The following ST8SIA6 variants were observed in gnomAD, a reference collection of about 807,000 sequenced individuals.
The protein encoded by ST8SIA6 is alpha-2,8-sialyltransferase 8F.
In ST8SIA6, 39 loss-of-function variants were observed where a neutral mutation model predicts 33.6. The ratio of observed to expected loss-of-function variants is 1.16; its 90% confidence interval spans 0.90 to 1.52. The LOEUF is 1.52. ST8SIA6 is among the 40% of genes most tolerant of loss of function. The probability of loss-of-function intolerance (pLI) is 0.00; values close to 1 mark genes in which losing one functional copy is unlikely to be tolerated. For missense variants in ST8SIA6, 441 were observed against 443.8 expected (o/e 0.99, Z 0.06); for synonymous variants, 172 against 167.2 (o/e 1.03, Z -0.22).
At chr10:17,326,722 A>G (rs1459520301) in intron 6 of ST8SIA6, among the ~76,000 whole-genome samples, 4 of 152,236 alleles carry the variant, frequency 2.6e-5, no homozygotes, top group Non-Finnish European at 2.9e-5. Context: ...CAAGGTAGCC[A>G]TTAACGTACT....
chr10:17,428,598 C>A (rs1852006968), intron 2 of ST8SIA6, among the ~76,000 whole-genome samples: 1 of 151,924 alleles, frequency 6.6e-6, no homozygotes, highest in Non-Finnish European at 1.5e-5. Flanking sequence ...AGCCGCTGAG[C>A]TGTGTCTCCA....
intron 2 of ST8SIA6, among the ~76,000 whole-genome samples, chr10:17,402,232 C>T (rs1588890834): frequency 6.6e-6 from 1 of 152,192 alleles, no homozygotes; most frequent in African/African-American, 2.4e-5. Context: ...CAATGAGACA[C>T]CATCTCACAC....
At chr10:17,453,500 C>A in intron 2 of ST8SIA6, 59 bp downstream of exon 2, 1 of 1,226,288 alleles carries the variant, frequency 8.2e-7, no homozygotes, top group Non-Finnish European at 1.0e-6. Context: ...TGCAGCCGCG[C>A]CCCATGCCCG....
intron 3 of ST8SIA6, among the ~76,000 whole-genome samples, chr10:17,365,500 GCT>G: frequency 6.6e-6 from 1 of 152,128 alleles, no homozygotes; most frequent in Non-Finnish European, 1.5e-5. Flanking sequence ...ATCGTGGACT[GCT>G]CTGAGTGAGC....
rs569375017 is a variant in ST8SIA6 at position 17,382,924 on chromosome 10, T to C, written c.290+7607A>G. Among the ~76,000 whole-genome samples, 5 of 152,314 alleles carry C rather than the reference T, an allele frequency of 3.3e-5. No homozygotes were observed. In the South Asian group the frequency reaches 1.0e-3, roughly 32 times the overall value. On this transcript the variant is annotated intron_variant, in intron 3 of 7. Coordinates refer to ENST00000377602, the MANE Select transcript of ST8SIA6 (RefSeq NM_001004470.3). Reference sequence around the variant, plus strand: ...GGATCCCTGTGTCAGATTAACAAGATTTTCTAGAAGCATTAACCAACTCCT... The same window carrying C: ...GGATCCCTGTGTCAGATTAACAAGACTTTCTAGAAGCATTAACCAACTCCT...
rs143418787 is a variant in ST8SIA6 at position 17,359,591 on chromosome 10, C to T, written c.300G>A (p.Glu100=). Reference sequence around the variant, plus strand: ...CTGTGATAATCTGAAGGTAGTCGTTCTCTGAATACCTAAAAATTAAATGTC... The same window carrying T: ...CTGTGATAATCTGAAGGTAGTCGTTTTCTGAATACCTAAAAATTAAATGTC... ...SFSNKTKGYS[E]NDYLQIITDI... Residue 100 remains glutamate, a synonymous_variant, in exon 4 of 8, where the codon GAG becomes GAA. Transcript: ENST00000377602. The T allele has an allele frequency of 2.7e-5, 43 of 1,593,404 alleles. No homozygotes were observed. The highest frequency in any genetic ancestry group is 3.6e-5 in the Non-Finnish European group (42 of 1,169,482).
intron 4 of ST8SIA6, among the ~76,000 whole-genome samples, chr10:17,354,004 C>T (rs7897402): frequency 0.23 from 34,288 of 151,976 alleles, 4,003 homozygotes; most frequent in African/African-American, 0.28. Context: ...CTGTAATTGG[C>T]TACAGAAATG....
At chr10:17,415,542 C>T (rs1241524323) in intron 2 of ST8SIA6, among the ~76,000 whole-genome samples, 1 of 152,072 alleles carries the variant, frequency 6.6e-6, no homozygotes, top group Non-Finnish European at 1.5e-5. Flanking sequence ...TGTCTGCATC[C>T]CACCCTTCCC....
intron 4 of ST8SIA6, among the ~76,000 whole-genome samples, chr10:17,342,209 TATTA>T (rs138408672): frequency 0.013 from 2,042 of 152,316 alleles, 23 homozygotes; most frequent in Non-Finnish European, 0.022. Context: ...ATTTGCAAAG[TATTA>T]AATACAAATA....
At chr10:17,395,306 CTG>C (rs1850767551) in intron 2 of ST8SIA6, among the ~76,000 whole-genome samples, 1 of 152,114 alleles carries the variant, frequency 6.6e-6, no homozygotes, top group Non-Finnish European at 1.5e-5. Context: ...GACTAATATA[CTG>C]GGGATCATAT....
chr10:17,326,302 C>G (rs940278602), intron 6 of ST8SIA6, among the ~76,000 whole-genome samples: 1 of 152,170 alleles, frequency 6.6e-6, no homozygotes, highest in Non-Finnish European at 1.5e-5. Flanking sequence ...CTTCCACTTA[C>G]TCTTTGAAAA....
rs1004417411 is a variant in ST8SIA6, at chr10:17,442,952, G to C, written c.200+10607C>G. On this transcript the variant is annotated intron_variant, in intron 2 of 7. Transcript: ENST00000377602. ...AAGCTGCTGTTCTAGATTATAAATG[G>C]GGTCAGTGGTGAAAAAGATAGACAA... 5.3e-5 allele frequency among the ~76,000 whole-genome samples: 8 copies of C among 152,208 alleles called. No individual in the cohort carries two copies. In the East Asian group the frequency reaches 1.5e-3, roughly 29 times the overall value.
rs1850925499 is a variant in ST8SIA6, at chr10:17,398,877, C to G, written c.201-8257G>C. Among the ~76,000 whole-genome samples the G allele has an allele frequency of 2.6e-5, 4 of 152,274 alleles. 1 individual carries two copies. In the South Asian group the frequency reaches 8.3e-4, roughly 32 times the overall value. On this transcript the variant is annotated intron_variant, in intron 2 of 7. Coordinates refer to ENST00000377602, the MANE Select transcript of ST8SIA6 (RefSeq NM_001004470.3). ...CTGGGACAGAGGCCACAGTAATTAG[C>G]TGTGCACCAACTTCCAGCTCATTAA...
chr10:17,359,483 A>T (rs1564420678), intron 4 of ST8SIA6, 31 bp downstream of exon 4: 4 of 1,486,454 alleles, frequency 2.7e-6, no homozygotes, highest in South Asian at 1.2e-5. Flanking sequence ...AGACATTTTT[A>T]AAATCTCATA....
intron 4 of ST8SIA6, among the ~76,000 whole-genome samples, chr10:17,333,712 T>TAGATAG (rs1848401456): frequency 2.6e-5 from 1 of 38,194 alleles, no homozygotes; most frequent in African/African-American, 9.9e-5. Context: ...TATATATATA[T>TAGATAG]ATATATTTTT....
At chr10:17,448,964 T>C (rs1213090136) in intron 2 of ST8SIA6, among the ~76,000 whole-genome samples, 1 of 151,296 alleles carries the variant, frequency 6.6e-6, no homozygotes. Flanking sequence ...ATGAAATTAA[T>C]ATTATTTAAG....
chr10:17,332,239 T>C (rs1177054141), intron 4 of ST8SIA6, among the ~76,000 whole-genome samples: 1 of 152,232 alleles, frequency 6.6e-6, no homozygotes, highest in East Asian at 1.9e-4. Flanking sequence ...TTGTAAACAG[T>C]GCTGCAATAA....
At chr10:17,392,419 T>C (rs1349915358) in intron 2 of ST8SIA6, among the ~76,000 whole-genome samples, 1 of 152,024 alleles carries the variant, frequency 6.6e-6, no homozygotes, top group Non-Finnish European at 1.5e-5. Flanking sequence ...CCCAGCACTT[T>C]GGGGAGCTGA....
chr10:17,385,747 G>T (rs1199580986), intron 3 of ST8SIA6, among the ~76,000 whole-genome samples: 2 of 152,154 alleles, frequency 1.3e-5, no homozygotes, highest in African/African-American at 4.8e-5. Flanking sequence ...GGGCTCAGAA[G>T]CCTGACAGAG....
Sources: allele counts gnomAD v4.1 joint callset (sites outside exome capture counted in the v4.1 genomes callset), GRCh38; gene constraint gnomAD v4.1.1; transcripts MANE v1.5; gene names NCBI Gene and HGNC (gene_info 2026-07-23, HGNC 2026-07-21).